The following PCDH15 variants were observed in gnomAD, a reference collection of about 807,000 sequenced individuals.
PCDH15 encodes protocadherin related 15, also known as protocadherin-15.
Under a neutral mutation model 178.5 loss-of-function variants are expected in PCDH15, and 129 were observed. That is an observed-to-expected ratio of 0.72 (90% CI 0.63 to 0.84). The LOEUF is 0.84. PCDH15 is among the 40% of genes least tolerant of loss of function. The pLI is 0.00. For missense variants in PCDH15, 2,230 were observed against 2,099.9 expected (o/e 1.06, Z -1.21); for synonymous variants, 800 against 732.0 (o/e 1.09, Z -1.50).
At chr10:54,665,613 A>C (rs2135437429) in intron 1 of PCDH15, among the ~76,000 whole-genome samples, 1 of 152,152 alleles carries the variant, frequency 6.6e-6, no homozygotes, top group African/African-American at 2.4e-5. Context: ...ATTGTATTAA[A>C]GGTGTAAGCT....
At chr10:54,669,498 C>T (rs1021537339) in intron 1 of PCDH15, among the ~76,000 whole-genome samples, 25 of 150,946 alleles carry the variant, frequency 1.7e-4, no homozygotes, top group African/African-American at 6.1e-4. Flanking sequence ...TTTAAATTTA[C>T]ATTAATGATA....
At chr10:54,282,608 G>A (rs1444436369) in intron 8 of PCDH15, among the ~76,000 whole-genome samples, 1 of 151,580 alleles carries the variant, frequency 6.6e-6, no homozygotes, top group African/African-American at 2.4e-5. Context: ...TTTTAATGTT[G>A]TATGTTGATG....
At chr10:55,483,984 C>T (rs1319753549) in intron 2 of PCDH15, among the ~76,000 whole-genome samples, 1 of 151,672 alleles carries the variant, frequency 6.6e-6, no homozygotes, top group African/African-American at 2.4e-5. Flanking sequence ...AAATGAATGA[C>T]ATCGTGTCCT....
intron 2 of PCDH15, among the ~76,000 whole-genome samples, chr10:55,576,686 G>T (rs996049699): frequency 2.0e-5 from 3 of 151,316 alleles, no homozygotes; most frequent in Non-Finnish European, 2.9e-5. Context: ...AATGAATTTT[G>T]TAATAAACTT....
intron 1 of PCDH15, among the ~76,000 whole-genome samples, chr10:55,301,477 G>T: frequency 6.6e-6 from 1 of 151,156 alleles, no homozygotes; most frequent in Admixed American, 6.6e-5. Flanking sequence ...GTTGCACATT[G>T]AAAATTATAT....
intron 3 of PCDH15, among the ~76,000 whole-genome samples, chr10:54,443,036 G>A (rs755389729): frequency 5.3e-5 from 8 of 151,778 alleles, no homozygotes; most frequent in South Asian, 2.1e-4. Flanking sequence ...TGGCATGAGC[G>A]TGAGATGTGG....
At chr10:54,055,360 T>C (rs914947671) in intron 18 of PCDH15, among the ~76,000 whole-genome samples, 8 of 152,160 alleles carry the variant, frequency 5.3e-5, no homozygotes, top group African/African-American at 1.9e-4. Context: ...GTCAGTTCAG[T>C]AGAAAAATTT....
At chr10:54,977,779 A>T (rs1298519703) in intron 2 of PCDH15, among the ~76,000 whole-genome samples, 1 of 152,142 alleles carries the variant, frequency 6.6e-6, no homozygotes, top group African/African-American at 2.4e-5. Context: ...CTGGATCAGG[A>T]TCCCTTTCTG....
At chr10:54,462,545 C>T (rs1177174543) in intron 3 of PCDH15, among the ~76,000 whole-genome samples, 7 of 103,880 alleles carry the variant, frequency 6.7e-5, no homozygotes, top group Admixed American at 2.6e-4. Flanking sequence ...GATGGAGTCT[C>T]TCTCTGTTAC....
intron 21 of PCDH15, among the ~76,000 whole-genome samples, chr10:53,969,218 C>T (rs1382894764): frequency 1.3e-5 from 2 of 152,102 alleles, no homozygotes; most frequent in Non-Finnish European, 2.9e-5. Context: ...CATGCACAAG[C>T]TTCAGTAGCC....
chr10:54,275,655 G>A (rs2058312154), intron 8 of PCDH15, among the ~76,000 whole-genome samples: 2 of 151,658 alleles, frequency 1.3e-5, no homozygotes, highest in Admixed American at 6.6e-5. Flanking sequence ...AAATGTGCAA[G>A]CCAATCTCAA....
rs1252662267 is a variant in PCDH15, at chr10:55,330,718, G to T, written c.-155-164067C>A. On this transcript the variant is annotated intron_variant, in intron 2 of 5. Coordinates refer to the PCDH15 transcript ENST00000613346. The stretch of plus-strand genomic sequence containing the variant: ...ATTACATTATTGCAGTGTTCATGTT[G>T]AAAGGAACACCAGATAAGCTTAGCT... Among the ~76,000 whole-genome samples, 3 of 151,970 alleles carry T rather than the reference G, an allele frequency of 2.0e-5. No individual in the cohort carries two copies. The East Asian group carries it at 5.8e-4, about 29-fold the overall frequency.
chr10:55,095,078 G>A (rs2246339), intron 2 of PCDH15, among the ~76,000 whole-genome samples: 62,339 of 151,368 alleles, frequency 0.41, 16,109 homozygotes, highest in African/African-American at 0.74. Context: ...ATGCCACCAC[G>A]CCTGGCTAAT....
intron 3 of PCDH15, among the ~76,000 whole-genome samples, chr10:54,474,879 T>C (rs1220251531): frequency 2.6e-5 from 4 of 151,856 alleles, no homozygotes; most frequent in East Asian, 1.9e-4. Context: ...ACAGATTATA[T>C]CAATACAAAT....
At chr10:53,839,333 A>G (rs900140829) in intron 29 of PCDH15, among the ~76,000 whole-genome samples, 1 of 151,996 alleles carries the variant, frequency 6.6e-6, no homozygotes, top group East Asian at 1.9e-4. Flanking sequence ...TTGTCGATGA[A>G]CACATTTAAA....
chr10:54,685,286 T>A (rs1445640381), intron 1 of PCDH15, among the ~76,000 whole-genome samples: 2 of 152,146 alleles, frequency 1.3e-5, no homozygotes, highest in Non-Finnish European at 2.9e-5. Flanking sequence ...TATAAGGAGA[T>A]GAAGTACACT....
intron 3 of PCDH15, among the ~76,000 whole-genome samples, chr10:54,406,458 C>T (rs1481389184): frequency 1.3e-5 from 2 of 151,952 alleles, no homozygotes; most frequent in African/African-American, 4.8e-5. Flanking sequence ...CACTTTTTGC[C>T]CCTCTTCCTC....
At chr10:55,262,623 G>A (rs754929922) in intron 1 of PCDH15, among the ~76,000 whole-genome samples, 1 of 152,112 alleles carries the variant, frequency 6.6e-6, no homozygotes, top group Non-Finnish European at 1.5e-5. Flanking sequence ...ATGTTCTAAG[G>A]AGAGCCCGGC....
chr10:55,093,438 C>T (rs893928392), intron 2 of PCDH15, among the ~76,000 whole-genome samples: 1 of 152,002 alleles, frequency 6.6e-6, no homozygotes, highest in Admixed American at 6.6e-5. Flanking sequence ...TGCCTGTTCA[C>T]TCTGATGGTA....
Sources: gnomAD v4.1 joint callset for allele counts (sites outside exome capture counted in the v4.1 genomes callset) on GRCh38, gnomAD v4.1.1 for gene constraint, MANE v1.5 for transcripts, NCBI Gene and HGNC (gene_info 2026-07-23, HGNC 2026-07-21) for gene names.